PIEZO2: variants seen among roughly 807,000 people sequenced by gnomAD.
The protein encoded by PIEZO2 is piezo type mechanosensitive ion channel component 2, also known as piezo-type mechanosensitive ion channel component 2.
Under a neutral mutation model 337.3 loss-of-function variants are expected in PIEZO2, and 172 were observed. That is an observed-to-expected ratio of 0.51 (90% CI 0.45 to 0.58). The LOEUF (loss-of-function observed/expected upper bound fraction) is 0.58. PIEZO2 is among the 20% of genes least tolerant of loss of function. The pLI is 0.00. For missense variants in PIEZO2, 3,028 were observed against 3,391.3 expected (o/e 0.89, Z 2.66); for synonymous variants, 1,251 against 1,228.5 (o/e 1.02, Z -0.38).
chr18:10,720,866 C>T lies in PIEZO2; in HGVS notation c.5030-2607G>A, dbSNP rs552219358. 2.0e-5 allele frequency among the ~76,000 whole-genome samples: 3 copies of T among 152,248 alleles called. No individual in the cohort carries two copies. In the South Asian group the frequency reaches 6.2e-4, roughly 32 times the overall value. On this transcript the variant is annotated intron_variant, in intron 36 of 55. Coordinates refer to ENST00000674853, the MANE Select transcript of PIEZO2 (RefSeq NM_001378183.1). ...ACTGCTGCTCCACATCCGGTCTTGA[C>T]CAGCTAAGCTGACCTGCTCTTTATT...
intron 2 of PIEZO2, among the ~76,000 whole-genome samples, chr18:11,040,861 C>T (rs1454042972): frequency 6.6e-6 from 1 of 152,142 alleles, no homozygotes; most frequent in African/African-American, 2.4e-5. Flanking sequence ...ACAATTCAAA[C>T]CTCAAATAAC....
chr18:11,007,328 G>T (rs2035757025), intron 2 of PIEZO2, among the ~76,000 whole-genome samples: 1 of 152,102 alleles, frequency 6.6e-6, no homozygotes, highest in African/African-American at 2.4e-5. Flanking sequence ...CTCTTTTCTA[G>T]CATAAAATAT....
intron 3 of PIEZO2, among the ~76,000 whole-genome samples, chr18:10,951,308 T>A (rs1157966915): frequency 6.6e-6 from 1 of 152,208 alleles, no homozygotes; most frequent in Admixed American, 6.5e-5. Flanking sequence ...GACCATCTGG[T>A]CTGTGACTCT....
rs962162405 is a variant in PIEZO2 at position 11,101,109 on chromosome 18, G to A, written c.65-34887C>T. The stretch of plus-strand genomic sequence containing the variant: ...ATGAGTCCCATGTGGCCAGAGTCTG[G>A]TTCAGATGTTTCATGAGCTTCCCCA... On this transcript the variant is annotated intron_variant, in intron 1 of 55. Coordinates refer to ENST00000674853, the MANE Select transcript of PIEZO2 (RefSeq NM_001378183.1). The surrounding 1 kb of genome is among the most constrained non-coding windows in gnomAD (Gnocchi z 4.4). Among the ~76,000 whole-genome samples the A allele has an allele frequency of 6.6e-6, 1 of 152,188 alleles. No homozygotes were observed. Among genetic ancestry groups the A allele is most frequent in the African/African-American group, 2.4e-5 (1 of 41,446 alleles).
intron 1 of PIEZO2, among the ~76,000 whole-genome samples, chr18:11,117,216 T>C (rs2039917578): frequency 1.3e-5 from 2 of 152,238 alleles, no homozygotes. Context: ...AACACGTTGA[T>C]TTGCTCATTA....
intron 33 of PIEZO2, chr18:10,737,774 C>T (rs915109685): frequency 1.3e-5 from 2 of 152,308 alleles, no homozygotes; most frequent in African/African-American, 4.8e-5. Flanking sequence ...AGCAATGTCC[C>T]ATCATCGCAG....
At position 11,003,059 on chromosome 18, in the gene PIEZO2, G is replaced by A. The variant is rs954466988; in HGVS notation, c.161-23399C>T. On this transcript the variant is annotated intron_variant, in intron 2 of 55. Transcript: ENST00000674853. The surrounding 1 kb of genome is among the most constrained non-coding windows in gnomAD (Gnocchi z 4.6). ...GGTCAAGGACAGCCTTAAGCACAAG[G>A]AGATTCTAACCTGGGAGATGTCCAG... Among the ~76,000 whole-genome samples, 1 of 151,864 alleles carries A rather than the reference G, an allele frequency of 6.6e-6. No homozygotes were observed. Among genetic ancestry groups the A allele is most frequent in the Non-Finnish European group, 1.5e-5 (1 of 68,034 alleles).
At chr18:10,697,987 G>C in intron 44 of PIEZO2, 107 bp from the exon 45 acceptor site, 1 of 578,566 alleles carries the variant, frequency 1.7e-6, no homozygotes, top group Non-Finnish European at 2.4e-6. Context: ...GATAGCTCAG[G>C]ACTGTTTGGG....
intron 7 of PIEZO2, among the ~76,000 whole-genome samples, chr18:10,832,278 C>T (rs11873520): frequency 0.3 from 44,999 of 151,586 alleles, 6,872 homozygotes; most frequent in Middle Eastern, 0.35. Context: ...GTTGGAAATA[C>T]TCTCATTAGG....
intron 36 of PIEZO2, among the ~76,000 whole-genome samples, chr18:10,720,916 C>T (rs987242362): frequency 6.6e-6 from 1 of 152,192 alleles, no homozygotes; most frequent in Non-Finnish European, 1.5e-5. Context: ...TTGCTTTCTT[C>T]TGCTAGAATG....
chr18:11,096,413 G>A lies in PIEZO2; in HGVS notation c.65-30191C>T, dbSNP rs976011156. 6.6e-6 allele frequency among the ~76,000 whole-genome samples: 1 copy of A among 152,216 alleles called. No individual in the cohort carries two copies. Among genetic ancestry groups the A allele is most frequent in the African/African-American group, 2.4e-5 (1 of 41,454 alleles). On this transcript the variant is annotated intron_variant, in intron 1 of 55. Coordinates refer to ENST00000674853, the MANE Select transcript of PIEZO2 (RefSeq NM_001378183.1). The surrounding 1 kb of genome is among the most constrained non-coding windows in gnomAD (Gnocchi z 4.6). ...GGTGGACATCAGAGCAGAAATCCAG[G>A]AGCCTGGTCCCGGGCTCCACACCTG... is the stretch of plus-strand genomic sequence containing the variant.
chr18:10,797,780 T>G (rs1340474112), intron 11 of PIEZO2, among the ~76,000 whole-genome samples: 1 of 152,230 alleles, frequency 6.6e-6, no homozygotes, highest in Non-Finnish European at 1.5e-5. Flanking sequence ...CCTCTAAACC[T>G]GTCATCAGAG....
chr18:10,689,959 C>T (rs1031662963), intron 48 of PIEZO2, among the ~76,000 whole-genome samples, 157 bp from the exon 49 acceptor site: 5 of 152,260 alleles, frequency 3.3e-5, no homozygotes, highest in African/African-American at 1.2e-4. Context: ...TGGAACACAA[C>T]TGCTTTTCAT....
chr18:10,690,546 G>A (rs2034768332), intron 48 of PIEZO2, among the ~76,000 whole-genome samples: 1 of 152,162 alleles, frequency 6.6e-6, no homozygotes. Context: ...TCACAGGCTA[G>A]CACTGTATGA....
At position 10,750,471 on chromosome 18, in the gene PIEZO2, A is replaced by G. The variant is rs1437985658; in HGVS notation, c.4168-284T>C. The stretch of plus-strand genomic sequence containing the variant: ...AGAAGAAATCTTGGACGATCATAGA[A>G]ATAAATCCCAACTCTGTGATAATGA... On this transcript the variant is annotated intron_variant, in intron 28 of 55. Transcript: ENST00000674853. This position sits in a 1 kb window ranked among gnomAD's most constrained non-coding sequence, Gnocchi z 4.1. 6.6e-6 allele frequency among the ~76,000 whole-genome samples: 1 copy of G among 152,230 alleles called. No homozygotes were observed. Among genetic ancestry groups the G allele is most frequent in the Non-Finnish European group, 1.5e-5 (1 of 68,048 alleles).
At position 10,833,720 on chromosome 18, in the gene PIEZO2, T is replaced by C. The variant is rs1382598158; in HGVS notation, c.917+21633A>G. Among the ~76,000 whole-genome samples, 2 of 152,226 alleles carry C rather than the reference T, an allele frequency of 1.3e-5. No individual in the cohort carries two copies. Among genetic ancestry groups the C allele is most frequent in the Admixed American group, 6.5e-5 (1 of 15,284 alleles). The stretch of plus-strand genomic sequence containing the variant: ...ATCTCTCTGGAGAGACACTTTCTTC[T>C]TTCTAGTCAGCTTTGGGTCAAATAT... On this transcript the variant is annotated intron_variant, in intron 7 of 55. Transcript: ENST00000674853. The surrounding 1 kb of genome is among the most constrained non-coding windows in gnomAD (Gnocchi z 4.7).
intron 44 of PIEZO2, 138 bp downstream of exon 44, chr18:10,698,787 A>T: frequency 8.5e-7 from 1 of 1,175,328 alleles, no homozygotes; most frequent in Non-Finnish European, 1.2e-6. Flanking sequence ...TCTGATTTCA[A>T]AGCCCTTTCT....
At chr18:10,949,499 C>CTT (rs2033187282) in intron 3 of PIEZO2, among the ~76,000 whole-genome samples, 1 of 152,008 alleles carries the variant, frequency 6.6e-6, no homozygotes, top group African/African-American at 2.4e-5. Flanking sequence ...GATTCCCACT[C>CTT]TGTCTACAAG....
intron 7 of PIEZO2, among the ~76,000 whole-genome samples, chr18:10,812,384 AG>A (rs1471124597): frequency 1.3e-5 from 2 of 152,142 alleles, no homozygotes; most frequent in Non-Finnish European, 2.9e-5. Flanking sequence ...CTTGAGGGTG[AG>A]GGTGGGAGGA....
Sources: gnomAD v4.1 joint callset for allele counts (sites outside exome capture counted in the v4.1 genomes callset) on GRCh38, gnomAD v4.1.1 for gene constraint, Gnocchi (gnomAD v3.1) non-coding constraint, MANE v1.5 for transcripts, NCBI Gene and HGNC (gene_info 2026-07-23, HGNC 2026-07-21) for gene names.